DENND4C: variants seen among roughly 807,000 people sequenced by gnomAD.
DENND4C encodes DENN domain containing 4C.
Under a neutral mutation model 203.0 loss-of-function variants are expected in DENND4C, and 108 were observed. That is an observed-to-expected ratio of 0.53 (90% CI 0.46 to 0.62). The LOEUF is 0.62. DENND4C is among the 20% of genes least tolerant of loss of function. The pLI is 0.00. For synonymous variants in DENND4C, 871 were observed against 792.4 expected, an observed-to-expected ratio of 1.10 and a Z score of -1.67; for missense variants, 2,481 against 2,301.2, an observed-to-expected ratio of 1.08 and a Z score of -1.60.
intron 1 of DENND4C, among the ~76,000 whole-genome samples, chr9:19,265,643 C>G (rs981617309): frequency 6.6e-5 from 10 of 152,056 alleles, no homozygotes; most frequent in Admixed American, 5.2e-4. Context: ...GTGATGTTCC[C>G]CACCCTGTGT....
chr9:19,258,365 A>G (rs1828505197), intron 1 of DENND4C, among the ~76,000 whole-genome samples: 1 of 152,212 alleles, frequency 6.6e-6, no homozygotes, highest in South Asian at 2.1e-4. Flanking sequence ...TCATGTTAGC[A>G]TTATCTTGAT....
At chr9:19,323,908 A>G (rs556436007) in intron 12 of DENND4C, among the ~76,000 whole-genome samples, 3 of 152,334 alleles carry the variant, frequency 2.0e-5, no homozygotes, top group African/African-American at 7.2e-5. Flanking sequence ...TAATCTAAAA[A>G]TCCAAAACCT....
Position 19,359,386 on chromosome 9 carries a change from A to G in DENND4C, c.5161-858A>G, listed in dbSNP as rs968703782. On this transcript the variant is annotated intron_variant, in intron 28 of 32. Transcript: ENST00000434457. ...ACACACTACCATGCCTTAAACATTTATCTTTATATCTATTGCTGTTTTTAT... is the reference window on the plus strand; with the variant it reads ...ACACACTACCATGCCTTAAACATTTGTCTTTATATCTATTGCTGTTTTTAT... Among the ~76,000 whole-genome samples the G allele has an allele frequency of 7.2e-5, 11 of 151,884 alleles. 1 individual carries two copies. Among genetic ancestry groups the G allele is most frequent in the African/African-American group, 2.7e-4 (11 of 41,208 alleles).
chr9:19,325,557 A>G (rs1444557376), intron 13 of DENND4C, among the ~76,000 whole-genome samples: 7 of 152,306 alleles, frequency 4.6e-5, no homozygotes, highest in Non-Finnish European at 8.8e-5. Flanking sequence ...AATTAAAACT[A>G]TTCAACATTT....
At chr9:19,309,027 T>A (rs559891545) in intron 10 of DENND4C, among the ~76,000 whole-genome samples, 26 of 152,190 alleles carry the variant, frequency 1.7e-4, no homozygotes, top group African/African-American at 4.8e-4. Context: ...TCTCTAGAGG[T>A]AGAAAGTAGA....
intron 10 of DENND4C, among the ~76,000 whole-genome samples, chr9:19,308,549 A>G (rs1263890311): frequency 6.6e-6 from 1 of 152,188 alleles, no homozygotes; most frequent in Non-Finnish European, 1.5e-5. Flanking sequence ...AATTGTATAT[A>G]TAATCTGGAA....
chr9:19,333,213 C>T (rs1284467169), intron 17 of DENND4C, among the ~76,000 whole-genome samples: 5 of 151,120 alleles, frequency 3.3e-5, no homozygotes, highest in East Asian at 2.0e-4. Context: ...GATGGGGTCT[C>T]GATATGTTAC....
At chr9:19,362,731 T>C (rs1381495258) in intron 30 of DENND4C, among the ~76,000 whole-genome samples, 1 of 152,204 alleles carries the variant, frequency 6.6e-6, no homozygotes, top group Non-Finnish European at 1.5e-5. Context: ...TGTGTTGGTA[T>C]AGGATCATAA....
rs373400747 is a variant in DENND4C, at chr9:19,371,741, A to C, written c.5676-15A>C. ...CTATTTGCCCATTGACTTTTAAAAC[A>C]TATTTGTTTTATAGGAGTTTATACA... On this transcript the variant is annotated splice_polypyrimidine_tract_variant and intron_variant, in intron 31 of 32. Coordinates refer to ENST00000434457, the MANE Select transcript of DENND4C (RefSeq NM_001330640.2). The C allele has an allele frequency of 4.2e-5, 56 of 1,329,564 alleles. No homozygotes were observed. In the Middle Eastern group the frequency reaches 3.5e-3, roughly 83 times the overall value. 82.4% of individuals were successfully genotyped at this position (1,329,564 alleles called of 1,614,324 possible).
At chr9:19,361,721 T>C in intron 29 of DENND4C, 125 bp from the exon 30 acceptor site, 2 of 540,442 alleles carry the variant, frequency 3.7e-6, no homozygotes, top group South Asian at 2.8e-5. Flanking sequence ...AAATTAAAAT[T>C]TTGATTCTGA....
At chr9:19,293,027 A>T (rs1836697755) in intron 5 of DENND4C, among the ~76,000 whole-genome samples, 1 of 152,250 alleles carries the variant, frequency 6.6e-6, no homozygotes, top group African/African-American at 2.4e-5. Context: ...AGTGCCTGGA[A>T]CATAGAAAAT....
intron 1 of DENND4C, among the ~76,000 whole-genome samples, chr9:19,267,307 A>G (rs1457146383): frequency 2.6e-5 from 4 of 152,122 alleles, no homozygotes; most frequent in Non-Finnish European, 5.9e-5. Context: ...GTGCATGTGT[A>G]TTTATAAATG....
intron 26 of DENND4C, among the ~76,000 whole-genome samples, 174 bp from the exon 27 acceptor site, chr9:19,356,788 TGAGAGAGAGA>T (rs60635871): frequency 1.4e-5 from 2 of 140,418 alleles, no homozygotes; most frequent in Non-Finnish European, 1.5e-5. Flanking sequence ...TGTGTGTGTG[TGAGAGAGAGA>T]GAGAGAGAGA....
At chr9:19,348,505 A>G in intron 23 of DENND4C, among the ~76,000 whole-genome samples, 1 of 152,194 alleles carries the variant, frequency 6.6e-6, no homozygotes, top group Non-Finnish European at 1.5e-5. Context: ...AATAATGTGA[A>G]ATGGCTTGGA....
chr9:19,299,094 G>A (rs375588005), intron 7 of DENND4C, 135 bp from the exon 8 acceptor site: 2 of 606,598 alleles, frequency 3.3e-6, no homozygotes, highest in East Asian at 6.8e-5. Flanking sequence ...CCAAAAGTGT[G>A]TTTGCATATT....
In DENND4C at chr9:19,373,191, TAC is replaced by T. The variant is rs986494227; in HGVS notation, c.*1021_*1022del. The T allele has an allele frequency of 2.0e-5, 3 of 152,236 alleles. No homozygotes were observed. Among genetic ancestry groups the T allele is most frequent in the African/African-American group, 7.2e-5 (3 of 41,462 alleles). 9.4% of individuals were successfully genotyped at this position (152,236 alleles called of 1,614,324 possible). A position where few individuals can be genotyped will look rare whatever the true frequency, so the allele number is the denominator to read the frequency against. On this transcript the variant is annotated 3_prime_UTR_variant, in exon 33 of 33. Transcript: ENST00000434457. Reference sequence around the variant, plus strand: ...CGCAATTATTTTTGTACCAACATAATACACCTTTCATATTATGTATTATCTTG... The same window carrying T: ...CGCAATTATTTTTGTACCAACATAATACCTTTCATATTATGTATTATCTTG...
intron 12 of DENND4C, among the ~76,000 whole-genome samples, chr9:19,319,339 C>CAT (rs201515895): frequency 2.0e-5 from 1 of 50,444 alleles, no homozygotes; most frequent in African/African-American, 4.8e-5. Context: ...TATATATACA[C>CAT]ATATATATAT....
In DENND4C at chr9:19,230,742, C is replaced by G. The variant is rs903128840; in HGVS notation, c.-109C>G. 6.6e-5 allele frequency: 10 copies of G among 152,376 alleles called. No homozygotes were observed. The highest frequency in any genetic ancestry group is 2.4e-4 in the African/African-American group (10 of 41,580). 9.4% of individuals were successfully genotyped at this position (152,376 alleles called of 1,614,324 possible). On this transcript the variant is annotated 5_prime_UTR_variant, in exon 1 of 33. Transcript: ENST00000434457. ...CGCTGGAGCTAGTCCCCCGCCCTGC[C>G]CTGCCGAGCGCGCCCAGTCCGCGAA... is the stretch of plus-strand genomic sequence containing the variant.
chr9:19,341,863 G>A (rs1004610039), intron 21 of DENND4C, among the ~76,000 whole-genome samples: 30 of 152,078 alleles, frequency 2.0e-4, no homozygotes, highest in Admixed American at 4.6e-4. Context: ...GGTGGCTCAC[G>A]CCTGTATTCC....
Sources: gnomAD v4.1 joint callset for allele counts (sites outside exome capture counted in the v4.1 genomes callset) on GRCh38, gnomAD v4.1.1 for gene constraint, MANE v1.5 for transcripts, NCBI Gene and HGNC (gene_info 2026-07-23, HGNC 2026-07-21) for gene names.